NEURL1: variants seen among roughly 807,000 people sequenced by gnomAD.
The protein encoded by NEURL1 is E3 ubiquitin-protein ligase NEURL1.
A neutral mutation model predicts 41.2 loss-of-function variants in NEURL1; 26 were observed. The ratio of observed to expected loss-of-function variants is 0.63; its 90% CI spans 0.46 to 0.87. The LOEUF (loss-of-function observed/expected upper bound fraction) is 0.87. Among genes scored for constraint, NEURL1 ranks in the 40% least tolerant of loss-of-function variants. NEURL1 has a pLI of 0.00. For synonymous variants in NEURL1, 400 were observed against 402.3 expected (o/e 0.99, Z 0.07); for missense variants, 761 against 871.1 (o/e 0.87, Z 1.59).
intron 1 of NEURL1, among the ~76,000 whole-genome samples, chr10:103,541,307 G>A (rs2034816099): frequency 6.6e-6 from 1 of 152,168 alleles, no homozygotes; most frequent in Non-Finnish European, 1.5e-5. Context: ...CCTGTGTGAA[G>A]AAAAATAAGG....
intron 1 of NEURL1, among the ~76,000 whole-genome samples, chr10:103,510,025 G>T (rs1020658237): frequency 2.0e-5 from 3 of 152,114 alleles, no homozygotes; most frequent in Admixed American, 6.5e-5. Flanking sequence ...CAGGGTGGAG[G>T]TCTTGTACCC....
intron 1 of NEURL1, among the ~76,000 whole-genome samples, chr10:103,562,382 C>T (rs1429065868): frequency 6.6e-6 from 1 of 152,192 alleles, no homozygotes; most frequent in Non-Finnish European, 1.5e-5. Flanking sequence ...GACTCCGTCT[C>T]AAAGCAAACA....
chr10:103,537,915 C>G (rs2034728864), intron 1 of NEURL1, among the ~76,000 whole-genome samples: 1 of 152,086 alleles, frequency 6.6e-6, no homozygotes, highest in Non-Finnish European at 1.5e-5. Context: ...CACCCCCCGC[C>G]TCTGCCATAA....
chr10:103,500,079 G>A (rs924091984), intron 1 of NEURL1, among the ~76,000 whole-genome samples: 7 of 152,172 alleles, frequency 4.6e-5, no homozygotes, highest in African/African-American at 1.7e-4. Flanking sequence ...TGCAGCAGAC[G>A]GATCTAGGGG....
rs190444995 is a variant in NEURL1 at position 103,520,656 on chromosome 10, T to A, written c.85+26184T>A. Among the ~76,000 whole-genome samples, 22 of 152,286 alleles carry A rather than the reference T, an allele frequency of 1.4e-4. 1 individual carries two copies. The East Asian group carries it at 4.2e-3, about 29-fold the overall frequency. ...GAGGCCTGACATTCCTGTCTTCTTATATTAATAAGAAAAATAACATAAAAT... is the reference window on the plus strand; with the variant it reads ...GAGGCCTGACATTCCTGTCTTCTTAAATTAATAAGAAAAATAACATAAAAT... On this transcript the variant is annotated intron_variant, in intron 1 of 5. Transcript: ENST00000369780.
At chr10:103,523,286 T>C (rs1239570626) in intron 1 of NEURL1, among the ~76,000 whole-genome samples, 2 of 151,838 alleles carry the variant, frequency 1.3e-5, no homozygotes, top group Non-Finnish European at 2.9e-5. Flanking sequence ...GAGACCCCCA[T>C]CTTTACAAAA....
chr10:103,564,747 A>G (rs2035380895), intron 1 of NEURL1, among the ~76,000 whole-genome samples: 1 of 152,212 alleles, frequency 6.6e-6, no homozygotes, highest in Admixed American at 6.5e-5. Flanking sequence ...GGACCCTGTT[A>G]CATAGTGTAG....
intron 1 of NEURL1, among the ~76,000 whole-genome samples, chr10:103,496,500 G>A (rs2033689080): frequency 1.3e-5 from 2 of 152,134 alleles, no homozygotes; most frequent in South Asian, 2.1e-4. Context: ...TATTTCCTCT[G>A]GGTATAGGAT....
intron 1 of NEURL1, among the ~76,000 whole-genome samples, chr10:103,533,962 C>T (rs772473533): frequency 3.7e-4 from 57 of 152,184 alleles, no homozygotes; most frequent in Non-Finnish European, 6.3e-4. Context: ...TGAACCACCG[C>T]GCCTAGCTCA....
intron 1 of NEURL1, among the ~76,000 whole-genome samples, chr10:103,513,020 T>C (rs1239176272): frequency 2.0e-5 from 3 of 152,110 alleles, no homozygotes; most frequent in African/African-American, 4.8e-5. Flanking sequence ...CCCTGTCACA[T>C]TCCCACCTCT....
In NEURL1 at chr10:103,542,844, G is replaced by A. The variant is rs190661749; in HGVS notation, c.86-28028G>A. On this transcript the variant is annotated intron_variant, in intron 1 of 5. Coordinates refer to ENST00000369780, the MANE Select transcript of NEURL1 (RefSeq NM_004210.5). ...TGCAAACTGTAAGTCACTGACACCC[G>A]GGGGCTGGCTGCTTATCATTCTTAT... Among the ~76,000 whole-genome samples the A allele has an allele frequency of 2.6e-5, 4 of 152,172 alleles. No homozygotes were observed. In the East Asian group the frequency reaches 5.8e-4, roughly 22 times the overall value.
chr10:103,585,801 C>T (rs2035910352), intron 4 of NEURL1, among the ~76,000 whole-genome samples: 1 of 148,360 alleles, frequency 6.7e-6, no homozygotes, highest in Non-Finnish European at 1.5e-5. Context: ...CCACTGCACT[C>T]CAGCCTGGGC....
chr10:103,532,440 T>C (rs2034591881), intron 1 of NEURL1, among the ~76,000 whole-genome samples: 1 of 152,242 alleles, frequency 6.6e-6, no homozygotes, highest in South Asian at 2.1e-4. Flanking sequence ...TGAGCATTTC[T>C]TGTAAGGCTA....
chr10:103,518,635 G>A (rs1468904752), intron 1 of NEURL1, among the ~76,000 whole-genome samples: 3 of 152,218 alleles, frequency 2.0e-5, no homozygotes, highest in Admixed American at 1.3e-4. Context: ...TGAATAGGTT[G>A]GGCCAGAGAA....
chr10:103,495,399 T>G (rs568336580), intron 1 of NEURL1, among the ~76,000 whole-genome samples: 1 of 152,238 alleles, frequency 6.6e-6, no homozygotes, highest in Non-Finnish European at 1.5e-5. Context: ...CTCCTCAGGT[T>G]ATGAGAAGGA....
chr10:103,533,712 A>G (rs1483529356), intron 1 of NEURL1, among the ~76,000 whole-genome samples: 2 of 151,936 alleles, frequency 1.3e-5, no homozygotes, highest in East Asian at 1.9e-4. Context: ...AATTTTTTGT[A>G]TTTTTAGTAG....
rs976380146 is a variant in NEURL1 at position 103,561,444 on chromosome 10, A to G, written c.86-9428A>G. ...ACCTGGCTAATTTTTTTGTATTTTT[A>G]GTAGAGACGGGGTTTTATCATGTTG... On this transcript the variant is annotated intron_variant, in intron 1 of 5. Coordinates refer to ENST00000369780, the MANE Select transcript of NEURL1 (RefSeq NM_004210.5). Among the ~76,000 whole-genome samples the G allele has an allele frequency of 9.9e-4, 150 of 152,160 alleles. 1 individual carries two copies. The highest frequency in any genetic ancestry group is 3.6e-3 in the African/African-American group (148 of 41,534).
chr10:103,536,914 T>C (rs964431564), intron 1 of NEURL1, among the ~76,000 whole-genome samples: 1 of 152,216 alleles, frequency 6.6e-6, no homozygotes, highest in Admixed American at 6.5e-5. Flanking sequence ...AAACACTAGC[T>C]TCCCATTTCC....
intron 1 of NEURL1, among the ~76,000 whole-genome samples, chr10:103,521,376 C>T (rs1265015441): frequency 1.3e-5 from 2 of 152,148 alleles, no homozygotes; most frequent in Non-Finnish European, 2.9e-5. Context: ...AAGTGTCTAC[C>T]TAGACCAAGA....
Sources: allele counts gnomAD v4.1 joint callset (sites outside exome capture counted in the v4.1 genomes callset), GRCh38; gene constraint gnomAD v4.1.1; transcripts MANE v1.5; gene names NCBI Gene and HGNC (gene_info 2026-07-23, HGNC 2026-07-21).